ESPNL: variants seen among roughly 807,000 people sequenced by gnomAD.
ESPNL encodes espin-like protein.
ESPNL carries 49 observed loss-of-function variants against 46.8 expected under a neutral mutation model. That is an observed-to-expected ratio of 1.05 (90% CI 0.83 to 1.33). The LOEUF is 1.33. Among genes scored for constraint, ESPNL ranks in the 40% most tolerant of loss-of-function variants. The pLI, the probability that ESPNL is intolerant of heterozygous loss-of-function variation, is 0.00. For missense variants in ESPNL, 1,540 were observed against 1,436.6 expected (o/e 1.07, Z -1.16); for synonymous variants, 664 against 662.1 (o/e 1.00, Z -0.04).
At chr2:238,128,169 G>T (rs1300474766) in intron 7 of ESPNL, among the ~76,000 whole-genome samples, 6 of 152,176 alleles carry the variant, frequency 3.9e-5, no homozygotes, top group Non-Finnish European at 8.8e-5. Context: ...TTTCCTGGGC[G>T]CCGGGCCCTT....
chr2:238,100,700 G>A lies in ESPNL; in HGVS notation c.281G>A (p.Gly94Asp). The stretch of plus-strand genomic sequence containing the variant: ...CTGTGCTGGCTGGTCCGCGAGGGGG[G>A]CTGCGGTCTGCAGGTGAGCGGGGAT... Reference protein sequence around the residue: ...AELCWLVREGGCGLQDQDASG... With the variant: ...AELCWLVREGDCGLQDQDASG... The change falls in exon 1 of 9, where the codon GGC becomes GAC. Residue 94 changes from glycine (G) to aspartate (D), a missense_variant. Gly to Asp is a moderately conservative substitution (Grantham distance 94, BLOSUM62 -1). Coordinates refer to ENST00000343063, the MANE Select transcript of ESPNL (RefSeq NM_194312.4). 4.2e-6 allele frequency: 6 copies of A among 1,421,100 alleles called. No individual in the cohort carries two copies. The highest frequency in any genetic ancestry group is 5.5e-6 in the Non-Finnish European group (6 of 1,097,110). The allele number at this position is 1,421,100 out of a possible 1,614,324, so 88.0% of individuals were successfully genotyped here.
At chr2:238,108,679 C>T (rs1691654867) in intron 4 of ESPNL, among the ~76,000 whole-genome samples, 1 of 152,220 alleles carries the variant, frequency 6.6e-6, no homozygotes, top group South Asian at 2.1e-4. Flanking sequence ...CAGTCGGGAG[C>T]CAGCAGCGTG....
At chr2:238,110,884 C>A (rs1193211715) in intron 4 of ESPNL, among the ~76,000 whole-genome samples, 3 of 152,114 alleles carry the variant, frequency 2.0e-5, no homozygotes, top group South Asian at 4.1e-4. Flanking sequence ...CCTCCAGCAG[C>A]CTCTAAAGAG....
At position 238,119,513 on chromosome 2, in the gene ESPNL, G is replaced by GAGGAGGGGAGA. The variant is rs1376745714; in HGVS notation, c.987+2479_987+2480insAGGAGGGGAGA. 1.5e-5 allele frequency among the ~76,000 whole-genome samples: 2 copies of GAGGAGGGGAGA among 135,960 alleles called. 1 individual carries two copies. Among genetic ancestry groups the GAGGAGGGGAGA allele is most frequent in the African/African-American group, 5.7e-5 (2 of 35,274 alleles). 89.2% of individuals were successfully genotyped at this position (135,960 alleles called of 152,430 possible). A position where few individuals can be genotyped will look rare whatever the true frequency, so the allele number is the denominator to read the frequency against. ...TGGAGGAGGTGGATGGAGGAGGTGG[G>GAGGAGGGGAGA]TGGAGGAGGGGAGATGGAGGAGGTG... is the stretch of plus-strand genomic sequence containing the variant. On this transcript the variant is annotated intron_variant, in intron 5 of 8. Coordinates refer to ENST00000343063, the MANE Select transcript of ESPNL (RefSeq NM_194312.4).
At chr2:238,117,520 G>C (rs1574735721) in intron 5 of ESPNL, among the ~76,000 whole-genome samples, 1 of 152,342 alleles carries the variant, frequency 6.6e-6, no homozygotes, top group East Asian at 1.9e-4. Context: ...GGAGCCCCAG[G>C]AGTGGGAACG....
At position 238,132,051 on chromosome 2, in the gene ESPNL, C is replaced by T. The variant is rs895629618; in HGVS notation, c.*319C>T. ...GCTGCCTGTTTCTCACTTGTCCTTC[C>T]CCAGTGTCACCAGTTCCCTTGGCGT... is the stretch of plus-strand genomic sequence containing the variant. On this transcript the variant is annotated 3_prime_UTR_variant, in exon 9 of 9. Transcript: ENST00000343063. 1.4e-5 allele frequency: 4 copies of T among 276,770 alleles called. No homozygotes were observed. Among genetic ancestry groups the T allele is most frequent in the African/African-American group, 4.4e-5 (2 of 45,148 alleles). 17.1% of individuals were successfully genotyped at this position (276,770 alleles called of 1,614,324 possible). A position where few individuals can be genotyped will look rare whatever the true frequency, so the allele number is the denominator to read the frequency against.
In ESPNL at chr2:238,100,730, C is replaced by T; in HGVS notation, c.294+17C>T. On this transcript the variant is annotated intron_variant, in intron 1 of 8. Coordinates refer to ENST00000343063, the MANE Select transcript of ESPNL (RefSeq NM_194312.4). ...GGTCTGCAGGTGAGCGGGGATGGGGCAGCCTGGCTCCACGAAGCTGGCTGG... is the reference window on the plus strand; with the variant it reads ...GGTCTGCAGGTGAGCGGGGATGGGGTAGCCTGGCTCCACGAAGCTGGCTGG... 7.1e-7 allele frequency: 1 copy of T among 1,406,220 alleles called. No homozygotes were observed. Among genetic ancestry groups the T allele is most frequent in the South Asian group, 1.6e-5 (1 of 63,164 alleles). The allele number at this position is 1,406,220 out of a possible 1,614,324, so 87.1% of individuals were successfully genotyped here.
At position 238,125,292 on chromosome 2, in the gene ESPNL, C is replaced by T. The variant is rs1426243250; in HGVS notation, c.1010C>T (p.Pro337Leu). 1.3e-6 allele frequency: 2 copies of T among 1,541,894 alleles called. No homozygotes were observed. The highest frequency in any genetic ancestry group is 8.7e-7 in the Non-Finnish European group (1 of 1,143,680). ...AQPVPLLMTP[P>L]PPPFPPPPLL... ...CAGGTGCCCCTGCTGATGACGCCCC[C>T]ACCACCACCGTTCCCCCCACCTCCA... The change falls in exon 6 of 9, where the codon CCA becomes CTA. Residue 337 changes from proline (P) to leucine (L), a missense_variant. Coordinates refer to ENST00000343063, the MANE Select transcript of ESPNL (RefSeq NM_194312.4).
chr2:238,107,148 G>A (rs1294263489), intron 3 of ESPNL, among the ~76,000 whole-genome samples: 1 of 152,250 alleles, frequency 6.6e-6, no homozygotes, highest in Non-Finnish European at 1.5e-5. Context: ...CAGGCCCCAT[G>A]TCTGTCCCAG....
At chr2:238,116,784 C>A in intron 4 of ESPNL, 119 bp from the exon 5 acceptor site, 2 of 1,316,294 alleles carry the variant, frequency 1.5e-6, no homozygotes, top group Non-Finnish European at 2.1e-6. Flanking sequence ...CCTGCCCCTG[C>A]TGGGAAGGGC....
Position 238,127,701 on chromosome 2 carries a change from G to A in ESPNL, c.1182G>A (p.Pro394=), listed in dbSNP as rs761917133. 23 of 1,611,752 alleles carry A rather than the reference G, an allele frequency of 1.4e-5. No homozygotes were observed. Among genetic ancestry groups the A allele is most frequent in the Non-Finnish European group, 2.0e-5 (23 of 1,179,292 alleles). The change falls in exon 7 of 9, where the codon CCG becomes CCA. Residue 394 remains proline, a synonymous_variant. Coordinates refer to ENST00000343063, the MANE Select transcript of ESPNL (RefSeq NM_194312.4). ...PREQMTSPAP[P]RIITSATADP... is the part of the protein sequence containing the mutation. ...AGCAGATGACCAGCCCGGCCCCTCC[G>A]AGGATCATCACCAGTGCCACGGCTG... is the stretch of plus-strand genomic sequence containing the variant.
At chr2:238,101,357 T>G (rs1400819772) in intron 1 of ESPNL, among the ~76,000 whole-genome samples, 1 of 152,200 alleles carries the variant, frequency 6.6e-6, no homozygotes, top group African/African-American at 2.4e-5. Flanking sequence ...CCCCAGCACC[T>G]GGCTCGCCAG....
At chr2:238,105,703 C>T (rs1456692846) in intron 3 of ESPNL, among the ~76,000 whole-genome samples, 3 of 152,024 alleles carry the variant, frequency 2.0e-5, no homozygotes, top group Non-Finnish European at 2.9e-5. Context: ...GAAAGGCAGA[C>T]AGAGGCGCTG....
At chr2:238,121,066 G>C (rs958963376) in intron 5 of ESPNL, among the ~76,000 whole-genome samples, 1 of 152,260 alleles carries the variant, frequency 6.6e-6, no homozygotes, top group Admixed American at 6.5e-5. Context: ...TGTGGGGCCC[G>C]CCCAGCTCGG....
At position 238,130,584 on chromosome 2, in the gene ESPNL, C is replaced by G. The variant is rs745459693; in HGVS notation, c.1870C>G (p.Pro624Ala). The G allele has an allele frequency of 6.4e-7, 1 of 1,573,314 alleles. No individual in the cohort carries two copies. Among genetic ancestry groups the G allele is most frequent in the South Asian group, 1.2e-5 (1 of 86,218 alleles). The change falls in exon 9 of 9, where the codon CCC (proline) becomes GCC (alanine). Residue 624 changes from proline to alanine, a missense_variant. By Grantham distance (27) the Pro-to-Ala change is conservative. Coordinates refer to ENST00000343063, the MANE Select transcript of ESPNL (RefSeq NM_194312.4). ...GGGGGATGAGAAGCCATCCACCCGG[C>G]CCCTGCAGGACACCTGCAGGGAGGC... ...VQGDEKPSTR[P>A]LQDTCREASA...
At chr2:238,104,601 G>A in intron 2 of ESPNL, 55 bp from the exon 3 acceptor site, 1 of 1,488,594 alleles carries the variant, frequency 6.7e-7, no homozygotes, top group Non-Finnish European at 9.0e-7. Flanking sequence ...AGCAGCCGAG[G>A]GATGGGCTCA....
Position 238,116,958 on chromosome 2 carries a change from G to A in ESPNL, c.911G>A (p.Gly304Asp), listed in dbSNP as rs761746600. The change falls in exon 5 of 9, where the codon GGT (glycine) becomes GAT (aspartate). Residue 304 changes from glycine (G) to aspartate (D), a missense_variant. Transcript: ENST00000343063. ...GACCCCTCCCTGCGGGATGAAGATGGTTACACGGCGGCAGACCTGGCGGAG... is the reference window on the plus strand; with the variant it reads ...GACCCCTCCCTGCGGGATGAAGATGATTACACGGCGGCAGACCTGGCGGAG... ...HVDPSLRDED[G>D]YTAADLAEYH... The A allele has an allele frequency of 3.1e-6, 5 of 1,612,608 alleles. No homozygotes were observed. The South Asian group carries it at 4.4e-5, about 14-fold the overall frequency.
rs750745958 is a variant in ESPNL, at chr2:238,130,226, G to A, written c.1512G>A (p.Glu504=). 1 of 1,611,666 alleles carries A rather than the reference G, an allele frequency of 6.2e-7. No homozygotes were observed. The highest frequency in any genetic ancestry group is 8.5e-7 in the Non-Finnish European group (1 of 1,179,390). ...ILGPFGELLT[E]DDLVYLEKQI... ...GGCCCTTTGGGGAGCTGCTGACAGA[G>A]GATGACCTGGTCTACCTGGAGAAGC... The change falls in exon 9 of 9, where the codon GAG becomes GAA. Residue 504 remains glutamate (E), a synonymous_variant. Transcript: ENST00000343063.
chr2:238,128,786 T>C lies in ESPNL; in HGVS notation c.1295T>C (p.Ile432Thr). ...LQLDGLPSGD[I>T]DGLVPTRDER... is the part of the protein sequence containing the mutation. The stretch of plus-strand genomic sequence containing the variant: ...CTGGATGGGCTGCCCTCAGGCGACA[T>C]CGACGGGCTGGTGCCCACGCGGGAT... Residue 432 changes from isoleucine to threonine, a missense_variant, in exon 8 of 9, where the codon ATC (isoleucine) becomes ACC (threonine). Physicochemically the swap from Ile to Thr is moderately conservative, Grantham distance 89. Transcript: ENST00000343063. 6.3e-7 allele frequency: 1 copy of C among 1,577,292 alleles called. No individual in the cohort carries two copies. The highest frequency in any genetic ancestry group is 1.3e-5 in the African/African-American group (1 of 74,128).
Sources: gnomAD v4.1 joint callset for allele counts (sites outside exome capture counted in the v4.1 genomes callset) on GRCh38, gnomAD v4.1.1 for gene constraint, MANE v1.5 for transcripts, NCBI Gene and HGNC (gene_info 2026-07-23, HGNC 2026-07-21) for gene names.